Variants in C15orf40 observed in about 807,000 individuals in gnomAD.
The protein encoded by C15orf40 is UPF0235 protein C15orf40.
A neutral mutation model predicts 13.9 loss-of-function variants in C15orf40; 9 were observed. That is an observed-to-expected ratio of 0.65 (90% CI 0.39 to 1.13). C15orf40 has a LOEUF of 1.13. Ranked by LOEUF, C15orf40 falls within the 50% of genes most tolerant of loss-of-function variation. C15orf40 has a pLI of 0.01. For synonymous variants in C15orf40, 95 were observed against 69.2 expected, an observed-to-expected ratio of 1.37 and a Z score of -1.85; for missense variants, 225 against 188.5, an observed-to-expected ratio of 1.19 and a Z score of -1.13.
chr15:82,989,078 A>T, downstream of C15orf40: 1 of 1,613,924 alleles, frequency 6.2e-7, no homozygotes, highest in Non-Finnish European at 8.5e-7. Flanking sequence ...GTAGATTCAC[A>T]GAAAATGACA....
intron 2 of C15orf40, among the ~76,000 whole-genome samples, chr15:83,009,840 T>C (rs1450234762): frequency 6.6e-6 from 1 of 152,166 alleles, no homozygotes; most frequent in African/African-American, 2.4e-5. Flanking sequence ...TGATCACGGG[T>C]CTCAGATCTC....
chr15:82,991,838 G>C (rs2030874764), downstream of C15orf40: 1 of 1,247,138 alleles, frequency 8.0e-7, no homozygotes. Context: ...TATAAAGATA[G>C]GATTTGATAC....
chr15:82,999,917 A>G lies in C15orf40; in HGVS notation c.*5680T>C, dbSNP rs1186460035. On this transcript the variant is annotated 3_prime_UTR_variant, in exon 4 of 4. Coordinates refer to ENST00000304177, the MANE Select transcript of C15orf40 (RefSeq NM_144597.3). ...TATGAGGATTGTCTGAGGAATGCCTATGTGGGTAGAAATAGGTGGTCTTCC... is the reference window on the plus strand; with the variant it reads ...TATGAGGATTGTCTGAGGAATGCCTGTGTGGGTAGAAATAGGTGGTCTTCC... 2.0e-5 allele frequency: 3 copies of G among 152,178 alleles called. No individual in the cohort carries two copies. The highest frequency in any genetic ancestry group is 1.3e-4 in the Admixed American group (2 of 15,278). 9.4% of individuals were successfully genotyped at this position (152,178 alleles called of 1,614,324 possible). A position where few individuals can be genotyped will look rare whatever the true frequency, so the allele number is the denominator to read the frequency against.
chr15:82,989,294 G>C, downstream of C15orf40: 14 of 1,081,248 alleles, frequency 1.3e-5, no homozygotes, highest in Non-Finnish European at 1.8e-5. Flanking sequence ...TTTTGGTATG[G>C]CATACCTAGT....
chr15:83,006,155 C>T (rs1445747676), intron 3 of C15orf40, among the ~76,000 whole-genome samples: 2 of 151,182 alleles, frequency 1.3e-5, no homozygotes, highest in African/African-American at 2.4e-5. Flanking sequence ...CGCTGGAACC[C>T]AGGAGGCAGA....
At chr15:82,992,029 A>G, downstream of C15orf40, 1 of 682,376 alleles carries the variant, frequency 1.5e-6, no homozygotes, top group Non-Finnish European at 2.3e-6. Context: ...CAGCCTGGGC[A>G]ATGTAGCAAG....
downstream of C15orf40, chr15:82,990,802 G>GTA: frequency 1.6e-6 from 1 of 613,974 alleles, no homozygotes; most frequent in Non-Finnish European, 2.9e-6. Flanking sequence ...GTTTAACTCT[G>GTA]TACTGTTCAC....
chr15:83,009,963 C>T (rs554774487), intron 2 of C15orf40, among the ~76,000 whole-genome samples: 5 of 152,202 alleles, frequency 3.3e-5, no homozygotes, highest in Non-Finnish European at 5.9e-5. Flanking sequence ...ATAATCCAGA[C>T]TACACACAAG....
rs1190108008 is a variant in C15orf40, at chr15:83,000,845, C to T, written c.*4752G>A. ...GGAACTTTATTTTTCAAGATGGAATCTCTGTCGCCCAGGCTGGAATGCAGT... is the reference window on the plus strand; with the variant it reads ...GGAACTTTATTTTTCAAGATGGAATTTCTGTCGCCCAGGCTGGAATGCAGT... On this transcript the variant is annotated 3_prime_UTR_variant, in exon 4 of 4. Transcript: ENST00000304177. 6.6e-6 allele frequency: 1 copy of T among 152,340 alleles called. No homozygotes were observed. Among genetic ancestry groups the T allele is most frequent in the African/African-American group, 2.4e-5 (1 of 41,410 alleles). 9.4% of individuals were successfully genotyped at this position (152,340 alleles called of 1,614,324 possible). A position where few individuals can be genotyped will look rare whatever the true frequency, so the allele number is the denominator to read the frequency against.
Position 83,005,525 on chromosome 15 carries a change from C to A in C15orf40, c.*72G>T. On this transcript the variant is annotated 3_prime_UTR_variant, in exon 4 of 4. Coordinates refer to ENST00000304177, the MANE Select transcript of C15orf40 (RefSeq NM_144597.3). Reference sequence around the variant, plus strand: ...TCTCGAACTCCTGACCTCAGGTGATCCGCCCACCACGGCCTCCCAAAGTGC... The same window carrying A: ...TCTCGAACTCCTGACCTCAGGTGATACGCCCACCACGGCCTCCCAAAGTGC... 1 of 1,336,266 alleles carries A rather than the reference C, an allele frequency of 7.5e-7. No homozygotes were observed. The highest frequency in any genetic ancestry group is 1.0e-6 in the Non-Finnish European group (1 of 989,398). 82.8% of individuals were successfully genotyped at this position (1,336,266 alleles called of 1,614,324 possible).
At position 83,010,317 on chromosome 15, in the gene C15orf40, C is replaced by A; in HGVS notation, c.158G>T (p.Gly53Val). ...TCCTTTAGGATCAACTGCCACAGGACCTAAGGGAGGAAGTGGTCTCTCTGG... is the reference window on the plus strand; with the variant it reads ...TCCTTTAGGATCAACTGCCACAGGAACTAAGGGAGGAAGTGGTCTCTCTGG... ...KEPERPLPPL[G>V]PVAVDPKGCV... Residue 53 changes from glycine (G) to valine (V), a missense_variant, in exon 2 of 4, where the codon GGT becomes GTT. Physicochemically the swap from Gly to Val is moderately radical, Grantham distance 109. Transcript: ENST00000304177. The A allele has an allele frequency of 1.2e-6, 2 of 1,614,232 alleles. No individual in the cohort carries two copies. Among genetic ancestry groups the A allele is most frequent in the Non-Finnish European group, 1.7e-6 (2 of 1,180,046 alleles).
At position 83,002,732 on chromosome 15, in the gene C15orf40, A is replaced by G. The variant is rs1034820971; in HGVS notation, c.*2865T>C. ...ATGAAACCTGGTTGGCCTTTTGTCT[A>G]CATGAAACAAGTGGGCCTGAGGATG... On this transcript the variant is annotated 3_prime_UTR_variant, in exon 4 of 4. Coordinates refer to ENST00000304177, the MANE Select transcript of C15orf40 (RefSeq NM_144597.3). 3.9e-5 allele frequency: 6 copies of G among 152,234 alleles called. No homozygotes were observed. Among genetic ancestry groups the G allele is most frequent in the Non-Finnish European group, 8.8e-5 (6 of 68,064 alleles). 9.4% of individuals were successfully genotyped at this position (152,234 alleles called of 1,614,324 possible). A position where few individuals can be genotyped will look rare whatever the true frequency, so the allele number is the denominator to read the frequency against.
intron 3 of C15orf40, among the ~76,000 whole-genome samples, chr15:83,007,498 T>A (rs1472679505): frequency 6.6e-6 from 1 of 152,252 alleles, no homozygotes; most frequent in Admixed American, 6.5e-5. Context: ...GACAGATTTA[T>A]GCAATTAAGT....
chr15:83,011,525 A>G lies in C15orf40; in HGVS notation c.83T>C (p.Met28Thr). The change falls in exon 1 of 4, where the codon ATG (methionine) becomes ACG (threonine). Residue 28 changes from methionine to threonine, a missense_variant. Met to Thr is a moderately conservative substitution (Grantham distance 81). Coordinates refer to ENST00000304177, the MANE Select transcript of C15orf40 (RefSeq NM_144597.3). Reference sequence around the variant, plus strand: ...GGTCGTCGCACCAGCCTTCTTAGGCATCTCGGCGCAAAGAAGCCGAGCGGA... The same window carrying G: ...GGTCGTCGCACCAGCCTTCTTAGGCGTCTCGGCGCAAAGAAGCCGAGCGGA... ...RGSARLLCAEMPKKAGATTKG... is the reference protein window; with the variant it reads ...RGSARLLCAETPKKAGATTKG... 6.2e-7 allele frequency: 1 copy of G among 1,607,400 alleles called. No homozygotes were observed. The highest frequency in any genetic ancestry group is 1.7e-4 in the Middle Eastern group (1 of 6,038).
chr15:83,009,859 T>C (rs1323809222), intron 2 of C15orf40, among the ~76,000 whole-genome samples: 1 of 152,228 alleles, frequency 6.6e-6, no homozygotes, highest in East Asian at 1.9e-4. Flanking sequence ...TCAAGTTTTC[T>C]CCCTCTCCTT....
rs953560518 is a variant in C15orf40 at position 82,994,979 on chromosome 15, C to G, written c.*10618G>C. The G allele has an allele frequency of 1.3e-5, 2 of 152,140 alleles. No homozygotes were observed. Among genetic ancestry groups the G allele is most frequent in the African/African-American group, 4.8e-5 (2 of 41,436 alleles). The allele number at this position is 152,140 out of a possible 1,614,324, so 9.4% of individuals were successfully genotyped here. Reference sequence around the variant, plus strand: ...TTAATCATTCAGGATTCAGATATATCCAGATATGACATAATATCTAAACAA... The same window carrying G: ...TTAATCATTCAGGATTCAGATATATGCAGATATGACATAATATCTAAACAA... On this transcript the variant is annotated 3_prime_UTR_variant, in exon 4 of 4. Transcript: ENST00000304177.
In C15orf40 at chr15:83,011,580, G is replaced by T. The variant is rs1014290516; in HGVS notation, c.28C>A (p.His10Asn). The change falls in exon 1 of 4, where the codon CAC (histidine) becomes AAC (asparagine). Residue 10 changes from histidine (H) to asparagine (N), a missense_variant. Physicochemically the swap from His to Asn is moderately conservative, Grantham distance 68 (BLOSUM62 1). Transcript: ENST00000304177. ...CGAGTATTGGGTGTTGCCCGAAGGT[G>T]CCTCAGCCCGCTGCGGAGCCGCAGC... MLRLRSGLR[H>N]LRATPNTRGS... The T allele has an allele frequency of 6.3e-7, 1 of 1,596,312 alleles. No homozygotes were observed. The highest frequency in any genetic ancestry group is 1.1e-5 in the South Asian group (1 of 89,288).
chr15:83,004,682 T>C lies in C15orf40; in HGVS notation c.*915A>G. On this transcript the variant is annotated 3_prime_UTR_variant, in exon 4 of 4. Transcript: ENST00000304177. ...ACATTTAATTACAAGTCATGATTTT[T>C]CTTTACTTTTTCAACAAAATGGTAA... The C allele has an allele frequency of 2.2e-6, 2 of 918,724 alleles. No individual in the cohort carries two copies. The highest frequency in any genetic ancestry group is 2.6e-6 in the Non-Finnish European group (2 of 766,546). The allele number at this position is 918,724 out of a possible 1,614,324, so 56.9% of individuals were successfully genotyped here.
rs954426819 is a variant in C15orf40, at chr15:82,998,696, C to T, written c.*6901G>A. The T allele has an allele frequency of 5.4e-5, 2 of 37,202 alleles. No individual in the cohort carries two copies. Among genetic ancestry groups the T allele is most frequent in the Non-Finnish European group, 1.0e-4 (2 of 19,116 alleles). 2.3% of individuals were successfully genotyped at this position (37,202 alleles called of 1,614,324 possible). A position where few individuals can be genotyped will look rare whatever the true frequency, so the allele number is the denominator to read the frequency against. On this transcript the variant is annotated 3_prime_UTR_variant, in exon 4 of 4. Coordinates refer to ENST00000304177, the MANE Select transcript of C15orf40 (RefSeq NM_144597.3). ...CTCCTCACTTTCCAGACTGGGCAGC[C>T]AGGCAGAGGGGCTCCTCACATCCCA...
Sources: allele counts gnomAD v4.1 joint callset (sites outside exome capture counted in the v4.1 genomes callset), GRCh38; gene constraint gnomAD v4.1.1; transcripts MANE v1.5; gene names NCBI Gene and HGNC (gene_info 2026-07-23, HGNC 2026-07-21).